CETP: variants seen among roughly 807,000 people sequenced by gnomAD.
CETP encodes BPI fold containing family F.
CETP carries 56 observed loss-of-function variants against 66.5 expected under a neutral mutation model. That is an observed-to-expected ratio of 0.84 (90% CI 0.68 to 1.05). The LOEUF is 1.05. CETP is among the 50% of genes least tolerant of loss of function. The pLI, the probability that CETP is intolerant of heterozygous loss-of-function variation, is 0.00. For missense variants in CETP, 612 were observed against 609.6 expected (o/e 1.00, Z -0.04); for synonymous variants, 251 against 245.7 (o/e 1.02, Z -0.20).
chr16:56,972,998 G>A (rs1361608790), intron 8 of CETP, among the ~76,000 whole-genome samples: 2 of 152,206 alleles, frequency 1.3e-5, no homozygotes, highest in African/African-American at 2.4e-5. Flanking sequence ...CCTCTGCAGG[G>A]GCAGGGCTGG....
At chr16:56,983,173 C>G (rs1276559001) in intron 14 of CETP, among the ~76,000 whole-genome samples, 153 bp from the exon 15 acceptor site, 1 of 152,222 alleles carries the variant, frequency 6.6e-6, no homozygotes, top group Non-Finnish European at 1.5e-5. Flanking sequence ...TCCTCAGAAG[C>G]ACTTGCTCAC....
intron 7 of CETP, 27 bp downstream of exon 7, chr16:56,971,408 C>A (rs774037270): frequency 3.1e-6 from 5 of 1,605,716 alleles, no homozygotes; most frequent in Non-Finnish European, 3.4e-6. Flanking sequence ...CTGCATGCCT[C>A]AGAAGACAGC....
At chr16:56,979,934 G>T (rs17238225) in intron 11 of CETP, among the ~76,000 whole-genome samples, 2,855 of 152,320 alleles carry the variant, frequency 0.019, 100 homozygotes, top group African/African-American at 0.065. Context: ...TCGATGTGGT[G>T]ACTGGGTGCA....
At chr16:56,981,100 G>T in intron 11 of CETP, 58 bp from the exon 12 acceptor site, 1 of 1,281,650 alleles carries the variant, frequency 7.8e-7, no homozygotes, top group East Asian at 2.3e-5. Flanking sequence ...AGCTAGGAGG[G>T]TTGCTCTCTG....
intron 11 of CETP, among the ~76,000 whole-genome samples, chr16:56,980,830 G>A (rs2056181995): frequency 6.6e-6 from 1 of 152,200 alleles, no homozygotes; most frequent in Admixed American, 6.5e-5. Flanking sequence ...GCTGAGGTAG[G>A]ACAATCGCTT....
Position 56,963,117 on chromosome 16 carries a change from T to C in CETP, c.226T>C (p.Leu76=), listed in dbSNP as rs1364623174. The change falls in exon 2 of 16, where the codon TTG becomes CTG. Residue 76 remains leucine, a synonymous_variant. Coordinates refer to ENST00000200676, the MANE Select transcript of CETP (RefSeq NM_000078.3). ...GCTCCTTGGCCAAGTCAAGTATGGG[T>C]TGCACAAGTGAGTCGGGCCTCGGGT... The part of the protein sequence containing the change: ...MMLLGQVKYG[L]HNIQISHLSI... 1 of 1,613,774 alleles carries C rather than the reference T, an allele frequency of 6.2e-7. No individual in the cohort carries two copies. The highest frequency in any genetic ancestry group is 8.5e-7 in the Non-Finnish European group (1 of 1,179,740).
At chr16:56,981,344 A>G in intron 12 of CETP, 119 bp downstream of exon 12, 1 of 876,504 alleles carries the variant, frequency 1.1e-6, no homozygotes, top group Non-Finnish European at 1.9e-6. Context: ...TCTGGGGCAT[A>G]TGGGCTGACT....
At position 56,971,240 on chromosome 16, in the gene CETP, T is replaced by G. The variant is rs1299843830; in HGVS notation, c.598-81T>G. ...AGTCCCCTGTGCCGGTCCCCAGCAC[T>G]GCCACCACCACGCAGCTGGAAGGAG... On this transcript the variant is annotated intron_variant, in intron 6 of 15. Transcript: ENST00000200676. 11 of 1,547,926 alleles carry G rather than the reference T, an allele frequency of 7.1e-6. No homozygotes were observed. In the East Asian group the frequency reaches 2.2e-4, roughly 32 times the overall value.
chr16:56,962,758 T>C (rs1193156170), intron 1 of CETP, among the ~76,000 whole-genome samples: 4 of 152,090 alleles, frequency 2.6e-5, no homozygotes, highest in Non-Finnish European at 4.4e-5. Flanking sequence ...ATCGTGGGGT[T>C]CCCATGTGTC....
At chr16:56,965,472 T>TA (rs1567469429) in intron 2 of CETP, among the ~76,000 whole-genome samples, 6 of 152,186 alleles carry the variant, frequency 3.9e-5, no homozygotes, top group African/African-American at 1.4e-4. Context: ...TCATAGTGGC[T>TA]TATAATATGG....
intron 14 of CETP, 106 bp from the exon 15 acceptor site, chr16:56,983,220 A>C: frequency 1.2e-6 from 1 of 849,502 alleles, no homozygotes; most frequent in Non-Finnish European, 2.0e-6. Flanking sequence ...TTTACAGAAT[A>C]TTGGTCCAAA....
At chr16:56,970,354 G>A (rs1024665361) in intron 5 of CETP, among the ~76,000 whole-genome samples, 1 of 152,170 alleles carries the variant, frequency 6.6e-6, no homozygotes, top group African/African-American at 2.4e-5. Context: ...GTCACAGAGA[G>A]GTTAGAAAGG....
chr16:56,972,107 C>T lies in CETP; in HGVS notation c.750+24C>T, dbSNP rs1299539920. 4 of 1,576,910 alleles carry T rather than the reference C, an allele frequency of 2.5e-6. No homozygotes were observed. The African/African-American group carries it at 5.4e-5, about 21-fold the overall frequency. ...AGGTAGGAGTTGTGGGAGGGTGGGG[C>T]AGGGCCCAGCTTCCCCAGGGGAGTT... On this transcript the variant is annotated intron_variant, in intron 8 of 15. Coordinates refer to ENST00000200676, the MANE Select transcript of CETP (RefSeq NM_000078.3).
intron 14 of CETP, among the ~76,000 whole-genome samples, chr16:56,982,941 A>G (rs543612778): frequency 6.6e-6 from 1 of 152,328 alleles, no homozygotes; most frequent in South Asian, 2.1e-4. Flanking sequence ...TGTGGATTAA[A>G]TGGTTCCTAC....
chr16:56,962,121 C>A (rs529396716), intron 1 of CETP, 24 bp downstream of exon 1: 3 of 1,588,772 alleles, frequency 1.9e-6, no homozygotes, highest in South Asian at 1.1e-5. Flanking sequence ...CATCTGTCTG[C>A]CCTGCCAGGG....
At chr16:56,965,642 C>T (rs1219503835) in intron 2 of CETP, among the ~76,000 whole-genome samples, 1 of 152,198 alleles carries the variant, frequency 6.6e-6, no homozygotes, top group South Asian at 2.1e-4. Context: ...TGTGTATAAA[C>T]TCTAAGCACA....
chr16:56,962,178 GC>G, intron 1 of CETP, 81 bp downstream of exon 1: 1 of 1,245,480 alleles, frequency 8.0e-7, no homozygotes. Flanking sequence ...CTGGCCTGAA[GC>G]CAGCCCTGAA....
rs140518082 is a variant in CETP, at chr16:56,969,625, A to C, written c.383A>C (p.Gln128Pro). 1 of 1,614,222 alleles carries C rather than the reference A, an allele frequency of 6.2e-7. No homozygotes were observed. The highest frequency in any genetic ancestry group is 8.5e-7 in the Non-Finnish European group (1 of 1,180,038). ...YTTAWWLGID[Q>P]SIDFEIDSAI... ...GCTCTTTCCAGGCTGGGTATTGATC[A>C]GTCCATTGACTTCGAGATCGACTCT... The change falls in exon 4 of 16, where the codon CAG (glutamine) becomes CCG (proline). Residue 128 changes from glutamine (Q) to proline (P), a missense_variant. Physicochemically the swap from Gln to Pro is moderately conservative, Grantham distance 76. Coordinates refer to ENST00000200676, the MANE Select transcript of CETP (RefSeq NM_000078.3).
intron 2 of CETP, among the ~76,000 whole-genome samples, chr16:56,967,026 G>A (rs118146573): frequency 0.094 from 14,347 of 152,086 alleles, 875 homozygotes; most frequent in South Asian, 0.14. Flanking sequence ...AGCTTACGCA[G>A]CTATTACCAG....
Sources: allele counts gnomAD v4.1 joint callset (sites outside exome capture counted in the v4.1 genomes callset), GRCh38; gene constraint gnomAD v4.1.1; transcripts MANE v1.5; gene names NCBI Gene and HGNC (gene_info 2026-07-23, HGNC 2026-07-21).